The following SLA2 variants were observed in gnomAD, a reference collection of about 807,000 sequenced individuals.
SLA2 encodes the protein src-like-adapter 2.
A neutral mutation model predicts 27.3 loss-of-function variants in SLA2; 22 were observed. That is an observed-to-expected ratio of 0.81 (90% CI 0.58 to 1.15). The LOEUF (loss-of-function observed/expected upper bound fraction) is 1.15. Among genes scored for constraint, SLA2 ranks in the 50% most tolerant of loss-of-function variants. The probability of loss-of-function intolerance (pLI) is 0.00; values close to 1 mark genes in which losing one functional copy is unlikely to be tolerated. For synonymous variants in SLA2, 131 were observed against 137.8 expected, an observed-to-expected ratio of 0.95 and a Z score of 0.34; for missense variants, 304 against 322.2, an observed-to-expected ratio of 0.94 and a Z score of 0.43.
At chr20:36,614,093 C>T in intron 7 of SLA2, 107 bp from the exon 8 acceptor site, 4 of 1,514,180 alleles carry the variant, frequency 2.6e-6, no homozygotes, top group Non-Finnish European at 3.6e-6. Flanking sequence ...TGCTGAGGAC[C>T]TCATGGGGCT....
intron 5 of SLA2, among the ~76,000 whole-genome samples, chr20:36,617,911 G>C (rs1240903992): frequency 6.6e-6 from 1 of 151,768 alleles, no homozygotes; most frequent in Non-Finnish European, 1.5e-5. Context: ...ACTTTGAGAG[G>C]CTGAGGCAGG....
intron 2 of SLA2, among the ~76,000 whole-genome samples, chr20:36,635,800 C>A (rs574616623): frequency 1.3e-5 from 2 of 152,300 alleles, no homozygotes; most frequent in South Asian, 2.1e-4. Flanking sequence ...TGGCCTTGCA[C>A]TCCCGGGGGC....
At chr20:36,622,301 C>A (rs552515145) in intron 5 of SLA2, among the ~76,000 whole-genome samples, 1 of 149,888 alleles carries the variant, frequency 6.7e-6, no homozygotes, top group Non-Finnish European at 1.5e-5. Context: ...CTCTTGAACC[C>A]GGGAAGCAGA....
Position 36,645,900 on chromosome 20 carries a change from T to G in SLA2, c.-107A>C, listed in dbSNP as rs1255905371. The G allele has an allele frequency of 2.0e-5, 3 of 152,336 alleles. No individual in the cohort carries two copies. Among genetic ancestry groups the G allele is most frequent in the Admixed American group, 2.0e-4 (3 of 15,278 alleles). The allele number at this position is 152,336 out of a possible 1,614,324, so 9.4% of individuals were successfully genotyped here. A position where few individuals can be genotyped will look rare whatever the true frequency, so the allele number is the denominator to read the frequency against. ...AGACGCATGCTCTGGCTGGACAGGT[T>G]AGGGCTTTGGGGGCCCTTCTGGAAG... On this transcript the variant is annotated 5_prime_UTR_variant, in exon 1 of 8. Transcript: ENST00000262866.
Position 36,612,502 on chromosome 20 carries a change from G to GTTTC in SLA2, c.*1360_*1363dup. The GTTTC allele has an allele frequency of 2.2e-6, 1 of 461,354 alleles. No individual in the cohort carries two copies. Among genetic ancestry groups the GTTTC allele is most frequent in the South Asian group, 2.5e-5 (1 of 40,670 alleles). The allele number at this position is 461,354 out of a possible 1,614,324, so 28.6% of individuals were successfully genotyped here. A position where few individuals can be genotyped will look rare whatever the true frequency, so the allele number is the denominator to read the frequency against. On this transcript the variant is annotated 3_prime_UTR_variant, in exon 8 of 8. Transcript: ENST00000262866. ...ACAGTACATGCAGCATCTAATAAGAGTTTCCATTGTAGAATGTTTTCACAT... is the reference window on the plus strand; with the variant it reads ...ACAGTACATGCAGCATCTAATAAGAGTTTCTTTCCATTGTAGAATGTTTTCACAT...
chr20:36,631,047 G>A (rs1442344640), intron 5 of SLA2, among the ~76,000 whole-genome samples: 1 of 152,170 alleles, frequency 6.6e-6, no homozygotes, highest in Admixed American at 6.5e-5. Flanking sequence ...TGGGGAAGGA[G>A]GAATCACCTC....
intron 5 of SLA2, among the ~76,000 whole-genome samples, chr20:36,629,062 A>G (rs1274477451): frequency 1.3e-5 from 2 of 148,444 alleles, no homozygotes; most frequent in African/African-American, 5.0e-5. Context: ...GGTAATTATG[A>G]GGATTTTTTT....
chr20:36,625,216 A>ATTTTTTTTTTTTTT (rs71186005), intron 5 of SLA2, among the ~76,000 whole-genome samples: 17 of 78,490 alleles, frequency 2.2e-4, no homozygotes, highest in African/African-American at 8.0e-4. Context: ...ACGTACCCTG[A>ATTTTTTTTTTTTTT]TTTTTTTTTT....
At chr20:36,615,139 A>G (rs1418536948) in intron 6 of SLA2, 86 bp downstream of exon 6, 1 of 1,592,018 alleles carries the variant, frequency 6.3e-7, no homozygotes, top group Non-Finnish European at 8.6e-7. Context: ...AATACTCCAC[A>G]GTAGGTAAAA....
chr20:36,633,417 G>A (rs2039412145), intron 4 of SLA2, 126 bp downstream of exon 4: 10 of 770,308 alleles, frequency 1.3e-5, no homozygotes, highest in Non-Finnish European at 2.0e-5. Context: ...CCTCTTGAGG[G>A]CAGGACCTGG....
chr20:36,612,322 C>T lies in SLA2; in HGVS notation c.*1544G>A, dbSNP rs1314648946. 1 of 1,102,848 alleles carries T rather than the reference C, an allele frequency of 9.1e-7. No homozygotes were observed. Among genetic ancestry groups the T allele is most frequent in the Non-Finnish European group, 1.4e-6 (1 of 728,948 alleles). The allele number at this position is 1,102,848 out of a possible 1,614,324, so 68.3% of individuals were successfully genotyped here. A position where few individuals can be genotyped will look rare whatever the true frequency, so the allele number is the denominator to read the frequency against. Reference sequence around the variant, plus strand: ...ACCATCAAGTAACAGCTATTATTTGCCAAGTGGAGCTGTCATTTAATTTGA... The same window carrying T: ...ACCATCAAGTAACAGCTATTATTTGTCAAGTGGAGCTGTCATTTAATTTGA... On this transcript the variant is annotated 3_prime_UTR_variant, in exon 8 of 8. Transcript: ENST00000262866.
intron 5 of SLA2, among the ~76,000 whole-genome samples, chr20:36,627,103 G>A (rs1600824155): frequency 6.6e-6 from 1 of 152,124 alleles, no homozygotes; most frequent in African/African-American, 2.4e-5. Context: ...TGGAGGGAGG[G>A]GTATGTGTAA....
intron 2 of SLA2, among the ~76,000 whole-genome samples, chr20:36,638,175 G>A (rs754093612): frequency 2.0e-5 from 3 of 152,002 alleles, no homozygotes; most frequent in East Asian, 1.9e-4. Flanking sequence ...ACAGGCATGC[G>A]CCTGGCCTGA....
chr20:36,628,222 C>A (rs2039358709), intron 5 of SLA2, among the ~76,000 whole-genome samples: 2 of 152,140 alleles, frequency 1.3e-5, no homozygotes, highest in African/African-American at 4.8e-5. Flanking sequence ...GTCTGAGAAC[C>A]ACTGTTCTAT....
At chr20:36,615,196 C>G in intron 6 of SLA2, 29 bp downstream of exon 6, 2 of 1,613,902 alleles carry the variant, frequency 1.2e-6, no homozygotes, top group Non-Finnish European at 1.7e-6. Context: ...CTATCCCAGC[C>G]TAGTCCTGGA....
chr20:36,633,662 C>T, intron 3 of SLA2, 33 bp from the exon 4 acceptor site: 1 of 1,582,572 alleles, frequency 6.3e-7, no homozygotes, highest in Non-Finnish European at 8.7e-7. Flanking sequence ...GCACCTCTTT[C>T]AGATGAGCCA....
chr20:36,621,008 G>A (rs1225192425), intron 5 of SLA2: 3 of 375,160 alleles, frequency 8.0e-6, no homozygotes, highest in South Asian at 2.3e-5. Context: ...TTTGGAGGTA[G>A]TAGAGGTAAT....
At chr20:36,644,728 G>C (rs1978286346) in intron 1 of SLA2, among the ~76,000 whole-genome samples, 1 of 152,176 alleles carries the variant, frequency 6.6e-6, no homozygotes, top group East Asian at 1.9e-4. Flanking sequence ...CATTTTGTAA[G>C]ACAGCATCAA....
At chr20:36,632,843 C>T (rs557532657) in intron 4 of SLA2, 145 bp from the exon 5 acceptor site, 2 of 661,130 alleles carry the variant, frequency 3.0e-6, no homozygotes, top group South Asian at 3.8e-5. Flanking sequence ...AAGAGCTGGG[C>T]TCAGGGTCTC....
Sources: gnomAD v4.1 joint callset for allele counts (sites outside exome capture counted in the v4.1 genomes callset) on GRCh38, gnomAD v4.1.1 for gene constraint, MANE v1.5 for transcripts, NCBI Gene and HGNC (gene_info 2026-07-23, HGNC 2026-07-21) for gene names.